The following MYRIP variants were observed in gnomAD, a reference collection of about 807,000 sequenced individuals.
The protein encoded by MYRIP is rab effector MyRIP.
MYRIP carries 49 observed loss-of-function variants against 98.0 expected under a neutral mutation model. The ratio of observed to expected loss-of-function variants is 0.50; its 90% CI spans 0.40 to 0.63. The LOEUF is 0.63. Among genes scored for constraint, MYRIP ranks in the 30% least tolerant of loss-of-function variants. The pLI, the probability that MYRIP is intolerant of heterozygous loss-of-function variation, is 0.00. For synonymous variants in MYRIP, 404 were observed against 409.5 expected (o/e 0.99, Z 0.16); for missense variants, 1,004 against 1,058.2 (o/e 0.95, Z 0.71).
chr3:39,879,120 A>G (rs1406538666), intron 1 of MYRIP, among the ~76,000 whole-genome samples: 2 of 151,668 alleles, frequency 1.3e-5, no homozygotes, highest in South Asian at 2.1e-4. Context: ...ATATATATGT[A>G]GAGGGAGAGA....
chr3:39,930,831 T>A (rs1188593669), intron 2 of MYRIP, among the ~76,000 whole-genome samples: 1 of 152,130 alleles, frequency 6.6e-6, no homozygotes, highest in East Asian at 1.9e-4. Flanking sequence ...ACCAATTCAC[T>A]ATAAATTTAA....
chr3:40,161,119 G>A (rs146232814), intron 4 of MYRIP, among the ~76,000 whole-genome samples: 154 of 152,228 alleles, frequency 1.0e-3, no homozygotes, highest in Non-Finnish European at 1.7e-3. Context: ...TAAAAATGCT[G>A]AGCCACATGA....
intron 2 of MYRIP, among the ~76,000 whole-genome samples, chr3:40,024,365 A>G (rs943783193): frequency 6.6e-6 from 1 of 152,122 alleles, no homozygotes; most frequent in Non-Finnish European, 1.5e-5. Context: ...CTGAGCTACC[A>G]TGAGATTAGG....
chr3:40,191,855 G>A (rs1207944274), intron 10 of MYRIP, among the ~76,000 whole-genome samples: 1 of 152,114 alleles, frequency 6.6e-6, no homozygotes, highest in Non-Finnish European at 1.5e-5. Context: ...TGCCTCAAAG[G>A]ATACTCTTGA....
At chr3:40,006,099 A>C (rs911067850) in intron 2 of MYRIP, among the ~76,000 whole-genome samples, 3 of 152,184 alleles carry the variant, frequency 2.0e-5, no homozygotes, top group African/African-American at 7.2e-5. Context: ...GAAAAGAAAG[A>C]AGGTGCATAT....
chr3:40,235,962 T>C (rs1211231000), intron 12 of MYRIP, among the ~76,000 whole-genome samples: 1 of 152,222 alleles, frequency 6.6e-6, no homozygotes, highest in African/African-American at 2.4e-5. Context: ...GAGAAGACAG[T>C]GCTTACATTT....
At chr3:40,132,623 T>C (rs1949668996) in intron 3 of MYRIP, among the ~76,000 whole-genome samples, 1 of 152,268 alleles carries the variant, frequency 6.6e-6, no homozygotes, top group South Asian at 2.1e-4. Flanking sequence ...TCAGTGAATC[T>C]GATACAAGAT....
At chr3:39,903,685 T>C (rs1367596244) in intron 2 of MYRIP, among the ~76,000 whole-genome samples, 6 of 152,322 alleles carry the variant, frequency 3.9e-5, no homozygotes, top group Non-Finnish European at 7.4e-5. Flanking sequence ...ATTTATCTTA[T>C]TGATTCCTCA....
intron 3 of MYRIP, among the ~76,000 whole-genome samples, chr3:40,136,673 T>A (rs968726498): frequency 7.9e-5 from 12 of 151,972 alleles, no homozygotes; most frequent in African/African-American, 2.9e-4. Context: ...ACAGAAATTA[T>A]AACAAACTGT....
At chr3:40,036,324 A>AAAAAAAAAAAAAAAAAAAC (rs1553607293) in intron 2 of MYRIP, among the ~76,000 whole-genome samples, 2 of 125,628 alleles carry the variant, frequency 1.6e-5, no homozygotes, top group Admixed American at 8.8e-5. Context: ...AAAAAAAAAA[A>AAAAAAAAAAAAAAAAAAAC]CTTTATTCAA....
chr3:39,930,182 G>A (rs1673482552), intron 2 of MYRIP, among the ~76,000 whole-genome samples: 1 of 151,930 alleles, frequency 6.6e-6, no homozygotes, highest in South Asian at 2.1e-4. Context: ...CAATGTATGA[G>A]GGTTCCAGTT....
intron 1 of MYRIP, among the ~76,000 whole-genome samples, chr3:39,823,917 A>G (rs377245239): frequency 1.3e-5 from 2 of 152,278 alleles, no homozygotes; most frequent in African/African-American, 2.4e-5. Context: ...TCTTATCCAT[A>G]AAATCTTTTT....
At chr3:39,985,753 A>G (rs1234202961) in intron 2 of MYRIP, among the ~76,000 whole-genome samples, 2 of 152,064 alleles carry the variant, frequency 1.3e-5, no homozygotes, top group East Asian at 3.8e-4. Context: ...CTGGCTAGCC[A>G]TATGTAGAAA....
At chr3:39,960,437 AC>A (rs1286834224) in intron 2 of MYRIP, among the ~76,000 whole-genome samples, 2 of 152,122 alleles carry the variant, frequency 1.3e-5, no homozygotes, top group African/African-American at 4.8e-5. Context: ...CATGCAGTAA[AC>A]TTTTTGCTAA....
chr3:39,922,143 C>A (rs977324772), intron 2 of MYRIP, among the ~76,000 whole-genome samples: 2 of 151,830 alleles, frequency 1.3e-5, no homozygotes, highest in Non-Finnish European at 2.9e-5. Context: ...TTTTGTTTGC[C>A]TCATATATTT....
chr3:39,809,341 C>G (rs938961197), upstream of MYRIP, among the ~76,000 whole-genome samples: 4 of 150,556 alleles, frequency 2.7e-5, no homozygotes, highest in African/African-American at 9.7e-5. Flanking sequence ...GGGAGGGGCG[C>G]GGGTCCCCGC....
chr3:39,934,786 G>T (rs1274147793), intron 2 of MYRIP, among the ~76,000 whole-genome samples: 1 of 152,182 alleles, frequency 6.6e-6, no homozygotes, highest in Non-Finnish European at 1.5e-5. Context: ...GAGGGTGACA[G>T]GAAATGTTAG....
At chr3:39,943,258 T>G (rs1000073976) in intron 2 of MYRIP, among the ~76,000 whole-genome samples, 2 of 152,212 alleles carry the variant, frequency 1.3e-5, no homozygotes, top group African/African-American at 4.8e-5. Flanking sequence ...CTTTTCTGTA[T>G]TTTAAACCCT....
intron 2 of MYRIP, among the ~76,000 whole-genome samples, chr3:40,043,224 G>A (rs576389190): frequency 6.6e-6 from 1 of 152,258 alleles, no homozygotes; most frequent in South Asian, 2.1e-4. Context: ...TTATAGTCTA[G>A]TAATATAGTA....
Sources: gnomAD v4.1 joint callset for allele counts (sites outside exome capture counted in the v4.1 genomes callset) on GRCh38, gnomAD v4.1.1 for gene constraint, MANE v1.5 for transcripts, NCBI Gene and HGNC (gene_info 2026-07-23, HGNC 2026-07-21) for gene names.